The following HNF4A variants were observed in gnomAD, a reference collection of about 807,000 sequenced individuals.
HNF4A encodes hepatocyte nuclear factor 4-alpha.
Under a neutral mutation model 52.4 loss-of-function variants are expected in HNF4A, and 15 were observed. The ratio of observed to expected loss-of-function variants is 0.29; its 90% confidence interval spans 0.19 to 0.44. The LOEUF is 0.44. Ranked by LOEUF, HNF4A falls within the 20% of genes least tolerant of loss-of-function variation. The pLI is 1.00. For missense variants in HNF4A, 479 were observed against 647.2 expected (o/e 0.74, Z 2.82); for synonymous variants, 280 against 264.4 (o/e 1.06, Z -0.57).
At chr20:44,413,656 C>T in intron 3 of HNF4A, 38 bp from the exon 4 acceptor site, 2 of 1,510,970 alleles carry the variant, frequency 1.3e-6, no homozygotes, top group Non-Finnish European at 1.8e-6. Context: ...CTACTCCATC[C>T]CTGTTCTCCC....
rs373947218 is a variant in HNF4A, at chr20:44,416,463, T to C, written c.648+1801T>C. 4.6e-5 allele frequency among the ~76,000 whole-genome samples: 7 copies of C among 152,376 alleles called. No homozygotes were observed. In the East Asian group the frequency reaches 7.7e-4, roughly 17 times the overall value. On this transcript the variant is annotated intron_variant, in intron 5 of 9. Coordinates refer to ENST00000316099, the MANE Select transcript of HNF4A (RefSeq NM_000457.6). The stretch of plus-strand genomic sequence containing the variant: ...CAAATCCAGGTCTTCCGCTTCGCGA[T>C]GTGAAGGCCACTGGAGTGACTGATG...
intron 8 of HNF4A, among the ~76,000 whole-genome samples, chr20:44,424,802 C>T (rs1053097473): frequency 2.6e-5 from 4 of 151,928 alleles, no homozygotes; most frequent in Non-Finnish European, 4.4e-5. Flanking sequence ...TCAAGGGCTG[C>T]GGATAGGAGA....
intron 7 of HNF4A, among the ~76,000 whole-genome samples, chr20:44,423,392 A>G (rs1298776181): frequency 6.6e-6 from 1 of 152,212 alleles, no homozygotes; most frequent in East Asian, 1.9e-4. Flanking sequence ...TGGATGGCAC[A>G]ACAATTACAT....
At chr20:44,402,306 A>G (rs533210905) in intron 1 of HNF4A, among the ~76,000 whole-genome samples, 142 of 152,232 alleles carry the variant, frequency 9.3e-4, no homozygotes, top group South Asian at 6.2e-3. Flanking sequence ...TGCGGGTCAT[A>G]GAGCACATGC....
At chr20:44,422,336 C>G (rs527871245) in intron 7 of HNF4A, among the ~76,000 whole-genome samples, 10 of 152,254 alleles carry the variant, frequency 6.6e-5, no homozygotes, top group African/African-American at 2.2e-4. Context: ...GAGGCAGCAG[C>G]CTCCAGCAAT....
At chr20:44,413,876 C>T (rs1294100577) in intron 4 of HNF4A, 76 bp downstream of exon 4, 3 of 981,818 alleles carry the variant, frequency 3.1e-6, no homozygotes, top group Non-Finnish European at 3.2e-6. Flanking sequence ...CCTCCATTCT[C>T]CCCAGCCAGG....
intron 1 of HNF4A, among the ~76,000 whole-genome samples, chr20:44,395,120 G>A (rs774228141): frequency 6.6e-6 from 1 of 152,238 alleles, no homozygotes; most frequent in South Asian, 2.1e-4. Flanking sequence ...GCCACTCATG[G>A]TCTGTGATGA....
At chr20:44,429,455 G>A in intron 9 of HNF4A, 68 bp from the exon 10 acceptor site, 2 of 1,596,492 alleles carry the variant, frequency 1.3e-6, no homozygotes, top group Non-Finnish European at 8.6e-7. Context: ...ACTTTCCCGG[G>A]CCTCTTCATT....
intron 1 of HNF4A, chr20:44,373,114 T>A (rs1460701763): frequency 6.6e-6 from 1 of 152,202 alleles, no homozygotes; most frequent in Non-Finnish European, 1.5e-5. Flanking sequence ...AAATGTCAGC[T>A]GTCATCATAA....
chr20:44,398,810 C>T (rs1326824823), upstream of HNF4A, among the ~76,000 whole-genome samples: 3 of 152,144 alleles, frequency 2.0e-5, no homozygotes, highest in Non-Finnish European at 4.4e-5. Context: ...GATCGTAGAC[C>T]TTATTTAATT....
rs367738594 is a variant in HNF4A at position 44,362,950 on chromosome 20, T to C, written c.49+7097T>C. On this transcript the variant is annotated intron_variant, in intron 1 of 9. Coordinates refer to the HNF4A transcript ENST00000316673. ...TCTGCCTCCTGGGTTCAAACAATTC[T>C]CCTGCCTCAGCCTCCTGAGTAGCTG... is the stretch of plus-strand genomic sequence containing the variant. Among the ~76,000 whole-genome samples, 398 of 151,954 alleles carry C rather than the reference T, an allele frequency of 2.6e-3. 3 individuals are homozygous for C. In the South Asian group the frequency reaches 0.029, roughly 11 times the overall value.
At chr20:44,404,677 T>A (rs2063459316) in intron 1 of HNF4A, among the ~76,000 whole-genome samples, 1 of 143,966 alleles carries the variant, frequency 6.9e-6, no homozygotes, top group Non-Finnish European at 1.5e-5. Context: ...GTGTGGACTG[T>A]GTGTATGTGT....
At chr20:44,363,666 A>C (rs371598002) in intron 1 of HNF4A, among the ~76,000 whole-genome samples, 1 of 143,320 alleles carries the variant, frequency 7.0e-6, no homozygotes, top group Non-Finnish European at 1.5e-5. Context: ...GCTGTTTGTG[A>C]CCTCACTCAA....
chr20:44,429,677 G>A lies in HNF4A; in HGVS notation c.*12G>A, dbSNP rs1004637556. The A allele has an allele frequency of 6.2e-7, 1 of 1,613,956 alleles. No homozygotes were observed. The highest frequency in any genetic ancestry group is 8.5e-7 in the Non-Finnish European group (1 of 1,179,962). On this transcript the variant is annotated 3_prime_UTR_variant, in exon 10 of 10. Transcript: ENST00000316099. ...AGGAAGTTATCTAGCAAGCCGCTGG[G>A]GCTTGGGGGCTCCACTGGCTCCCCC...
chr20:44,380,715 T>C (rs2063142992), intron 1 of HNF4A, among the ~76,000 whole-genome samples: 1 of 152,210 alleles, frequency 6.6e-6, no homozygotes, highest in East Asian at 1.9e-4. Context: ...ATTCTGTAAG[T>C]TGCTTTTTCA....
chr20:44,360,630 C>T (rs2062907013), intron 1 of HNF4A, among the ~76,000 whole-genome samples: 1 of 152,118 alleles, frequency 6.6e-6, no homozygotes, highest in South Asian at 2.1e-4. Context: ...TCTTCAAGTG[C>T]TCTAAACAGG....
chr20:44,388,710 G>A (rs575629223), intron 1 of HNF4A, among the ~76,000 whole-genome samples: 1 of 152,202 alleles, frequency 6.6e-6, no homozygotes, highest in Non-Finnish European at 1.5e-5. Flanking sequence ...AGGAGCCCAG[G>A]AAGCGCAAAG....
chr20:44,417,320 G>C (rs2063678952), intron 5 of HNF4A, among the ~76,000 whole-genome samples: 1 of 152,130 alleles, frequency 6.6e-6, no homozygotes. Flanking sequence ...CTCTCAGTGG[G>C]CTGGCTATGT....
chr20:44,383,840 C>T (rs1200271784), intron 1 of HNF4A, among the ~76,000 whole-genome samples: 1 of 148,326 alleles, frequency 6.7e-6, no homozygotes, highest in Non-Finnish European at 1.5e-5. Context: ...AGGCATGAGC[C>T]ACCGCACCTG....
Sources: allele counts gnomAD v4.1 joint callset (sites outside exome capture counted in the v4.1 genomes callset), GRCh38; gene constraint gnomAD v4.1.1; transcripts MANE v1.5; gene names NCBI Gene and HGNC (gene_info 2026-07-23, HGNC 2026-07-21).